VPS13D: variants seen among roughly 807,000 people sequenced by gnomAD.
The protein encoded by VPS13D is intermembrane lipid transfer protein VPS13D.
In VPS13D, 187 loss-of-function variants were observed where a neutral mutation model predicts 461.9. The observed-to-expected ratio is 0.40, with a 90% CI of 0.36 to 0.46. The LOEUF is 0.46. Among genes scored for constraint, VPS13D ranks in the 20% least tolerant of loss-of-function variants. The probability of loss-of-function intolerance (pLI) is 0.60; values close to 1 mark genes in which losing one functional copy is unlikely to be tolerated. For synonymous variants in VPS13D, 1,951 were observed against 1,986.3 expected (o/e 0.98, Z 0.47); for missense variants, 4,711 against 5,364.9 (o/e 0.88, Z 3.81).
At position 12,348,987 on chromosome 1, in the gene VPS13D, G is replaced by C; in HGVS notation, c.9220+14G>C. On this transcript the variant is annotated intron_variant, in intron 45 of 69. Transcript: ENST00000620676. Reference sequence around the variant, plus strand: ...CAGCTCCAGACAGTATGTTTTGATTGTCTAGCATATAGTAAATGCTGATAA... The same window carrying C: ...CAGCTCCAGACAGTATGTTTTGATTCTCTAGCATATAGTAAATGCTGATAA... 6.2e-7 allele frequency: 1 copy of C among 1,614,096 alleles called. No individual in the cohort carries two copies. The highest frequency in any genetic ancestry group is 8.5e-7 in the Non-Finnish European group (1 of 1,180,000).
chr1:12,498,193 T>A (rs924198742), intron 68 of VPS13D, among the ~76,000 whole-genome samples: 1 of 152,210 alleles, frequency 6.6e-6, no homozygotes, highest in Non-Finnish European at 1.5e-5. Context: ...TTTGCAGAGA[T>A]CCTTGTAGCA....
chr1:12,393,826 T>C (rs554824316), intron 60 of VPS13D, among the ~76,000 whole-genome samples: 22 of 152,310 alleles, frequency 1.4e-4, no homozygotes, highest in African/African-American at 4.8e-4. Flanking sequence ...ATGCCAATTA[T>C]GCATTCTGGC....
chr1:12,415,901 A>G (rs1198588080), intron 64 of VPS13D, among the ~76,000 whole-genome samples: 2 of 151,850 alleles, frequency 1.3e-5, no homozygotes, highest in African/African-American at 4.8e-5. Flanking sequence ...TGGAGGGGCC[A>G]GTCATGGTGG....
At chr1:12,243,932 A>T (rs546957872) in intron 3 of VPS13D, among the ~76,000 whole-genome samples, 21 of 152,316 alleles carry the variant, frequency 1.4e-4, no homozygotes, top group African/African-American at 4.8e-4. Flanking sequence ...CGGGGAAGAA[A>T]GACACCCTGA....
intron 49 of VPS13D, among the ~76,000 whole-genome samples, chr1:12,357,610 G>A (rs569470485): frequency 6.6e-6 from 1 of 152,332 alleles, no homozygotes; most frequent in South Asian, 2.1e-4. Context: ...ACCTGCCCAA[G>A]TTTACATCGC....
At chr1:12,250,737 G>C (rs749117603) in intron 6 of VPS13D, among the ~76,000 whole-genome samples, 25 of 152,268 alleles carry the variant, frequency 1.6e-4, no homozygotes, top group Non-Finnish European at 2.9e-4. Flanking sequence ...AGTGAAAAGT[G>C]GAGCCAGGTC....
chr1:12,390,335 G>C (rs1644408342), intron 60 of VPS13D, among the ~76,000 whole-genome samples: 1 of 152,048 alleles, frequency 6.6e-6, no homozygotes, highest in Admixed American at 6.6e-5. Context: ...TCATCTAGTT[G>C]GCATTGTAAT....
chr1:12,356,189 C>G lies in VPS13D; in HGVS notation c.9871+99C>G, dbSNP rs949057111. On this transcript the variant is annotated intron_variant, in intron 48 of 69. Coordinates refer to ENST00000620676, the MANE Select transcript of VPS13D (RefSeq NM_015378.4). ...AAATGGAGCCAATGCAAATAGATTACTTCAACAGTCTGAGCTGCTGAAACA... is the reference window on the plus strand; with the variant it reads ...AAATGGAGCCAATGCAAATAGATTAGTTCAACAGTCTGAGCTGCTGAAACA... The G allele has an allele frequency of 2.1e-6, 3 of 1,440,300 alleles. No individual in the cohort carries two copies. The Admixed American group carries it at 6.9e-5, about 33-fold the overall frequency. The allele number at this position is 1,440,300 out of a possible 1,614,324, so 89.2% of individuals were successfully genotyped here.
At chr1:12,467,635 G>A (rs571892590) in intron 67 of VPS13D, among the ~76,000 whole-genome samples, 1 of 152,260 alleles carries the variant, frequency 6.6e-6, no homozygotes, top group Non-Finnish European at 1.5e-5. Context: ...GGCCCCAGAC[G>A]ATGCCATTCT....
At chr1:12,269,165 AT>A (rs1235274194) in intron 16 of VPS13D, among the ~76,000 whole-genome samples, 2 of 151,768 alleles carry the variant, frequency 1.3e-5, no homozygotes, top group African/African-American at 4.8e-5. Flanking sequence ...TTTATTTCAT[AT>A]TGTCATTCTG....
rs886615855 is a variant in VPS13D, at chr1:12,292,435, CTT to C, written c.5853-1068_5853-1067del. Reference sequence around the variant, plus strand: ...ATTGGTCTAGGGCCATGCTCAGTCTCTTTTTTTTTTTTTTTTTTTTTTGAGAC... The same window carrying C: ...ATTGGTCTAGGGCCATGCTCAGTCTCTTTTTTTTTTTTTTTTTTTTGAGAC... On this transcript the variant is annotated intron_variant, in intron 23 of 69. Transcript: ENST00000620676. Among the ~76,000 whole-genome samples, 48 of 96,910 alleles carry C rather than the reference CTT, an allele frequency of 5.0e-4. No individual in the cohort carries two copies. In the South Asian group the frequency reaches 0.014, roughly 28 times the overall value. 63.6% of individuals were successfully genotyped at this position (96,910 alleles called of 152,430 possible).
chr1:12,377,820 C>CAA (rs1193875764), intron 55 of VPS13D, among the ~76,000 whole-genome samples: 14 of 77,024 alleles, frequency 1.8e-4, no homozygotes, highest in African/African-American at 3.0e-4. Context: ...AACTCCATCC[C>CAA]AAAAAAAAAA....
Position 12,288,206 on chromosome 1 carries a change from A to G in VPS13D, c.5635-17A>G. Reference sequence around the variant, plus strand: ...TCCCCAGTAATATTGGCCTTGCTTTATCTTGTCTGTTCCTAGGTTCATTCA... The same window carrying G: ...TCCCCAGTAATATTGGCCTTGCTTTGTCTTGTCTGTTCCTAGGTTCATTCA... On this transcript the variant is annotated splice_polypyrimidine_tract_variant and intron_variant, in intron 21 of 69. Coordinates refer to ENST00000620676, the MANE Select transcript of VPS13D (RefSeq NM_015378.4). 1 of 1,603,048 alleles carries G rather than the reference A, an allele frequency of 6.2e-7. No homozygotes were observed. The highest frequency in any genetic ancestry group is 8.5e-7 in the Non-Finnish European group (1 of 1,171,272).
chr1:12,245,875 C>T (rs957742991), intron 5 of VPS13D, among the ~76,000 whole-genome samples: 10 of 152,208 alleles, frequency 6.6e-5, no homozygotes, highest in African/African-American at 2.4e-4. Context: ...TATAGCCTGG[C>T]CATTTTCACT....
At position 12,465,514 on chromosome 1, in the gene VPS13D, G is replaced by A. The variant is rs573422638; in HGVS notation, c.12662+5118G>A. 2.6e-5 allele frequency among the ~76,000 whole-genome samples: 4 copies of A among 152,272 alleles called. No individual in the cohort carries two copies. The East Asian group carries it at 5.8e-4, about 22-fold the overall frequency. Reference sequence around the variant, plus strand: ...AGGACTGATAATGTTCTGGAATCCCGGGACCCTCGGATTGTGCACGTAGAT... The same window carrying A: ...AGGACTGATAATGTTCTGGAATCCCAGGACCCTCGGATTGTGCACGTAGAT... On this transcript the variant is annotated intron_variant, in intron 67 of 69. Coordinates refer to ENST00000620676, the MANE Select transcript of VPS13D (RefSeq NM_015378.4).
At chr1:12,452,679 G>A (rs1281842552) in intron 65 of VPS13D, among the ~76,000 whole-genome samples, 1 of 152,210 alleles carries the variant, frequency 6.6e-6, no homozygotes, top group African/African-American at 2.4e-5. Flanking sequence ...ACTGGCCCAG[G>A]GCCCTGCCTT....
chr1:12,273,033 G>A lies in VPS13D; in HGVS notation c.2134G>A (p.Asp712Asn). ...EESKRWTVRL[D>N]ISAPQVIFPD... ...GAGTAAACGATGGACCGTGCGGCTG[G>A]ATATTTCTGCCCCTCAGGTGATATT... Residue 712 changes from aspartate to asparagine, a missense_variant, in exon 18 of 70, where the codon GAT becomes AAT. Physicochemically the swap from Asp to Asn is conservative, Grantham distance 23. Transcript: ENST00000620676. 6.2e-7 allele frequency: 1 copy of A among 1,614,084 alleles called. No homozygotes were observed. The highest frequency in any genetic ancestry group is 8.5e-7 in the Non-Finnish European group (1 of 1,179,996).
chr1:12,356,189 C>A, intron 48 of VPS13D, 99 bp downstream of exon 48: 1 of 1,440,298 alleles, frequency 6.9e-7, no homozygotes, highest in Non-Finnish European at 9.3e-7. Context: ...AAATAGATTA[C>A]TTCAACAGTC....
chr1:12,473,390 C>T lies in VPS13D; in HGVS notation c.12662+12994C>T, dbSNP rs955945545. Among the ~76,000 whole-genome samples, 2 of 152,178 alleles carry T rather than the reference C, an allele frequency of 1.3e-5. No individual in the cohort carries two copies. The highest frequency in any genetic ancestry group is 2.4e-5 in the African/African-American group (1 of 41,434). Reference sequence around the variant, plus strand: ...ATTTGCAGGAAGCAAGAAGGGGTTCCGCAGCACTGGCTGCTTCCGGCATCT... The same window carrying T: ...ATTTGCAGGAAGCAAGAAGGGGTTCTGCAGCACTGGCTGCTTCCGGCATCT... On this transcript the variant is annotated intron_variant, in intron 67 of 69. Transcript: ENST00000620676. The surrounding 1 kb of genome is among the most constrained non-coding windows in gnomAD (Gnocchi z 4.2).
Sources: gnomAD v4.1 joint callset for allele counts (sites outside exome capture counted in the v4.1 genomes callset) on GRCh38, gnomAD v4.1.1 for gene constraint, Gnocchi (gnomAD v3.1) non-coding constraint, MANE v1.5 for transcripts, NCBI Gene and HGNC (gene_info 2026-07-23, HGNC 2026-07-21) for gene names.